The following MRPS27 variants were observed in gnomAD, a reference collection of about 807,000 sequenced individuals.
MRPS27 encodes the protein small ribosomal subunit protein mS27.
Under a neutral mutation model 48.9 loss-of-function variants are expected in MRPS27, and 43 were observed. That is an observed-to-expected ratio of 0.88 (90% CI 0.69 to 1.13). The LOEUF is 1.13. Among genes scored for constraint, MRPS27 ranks in the 50% most tolerant of loss-of-function variants. The probability of loss-of-function intolerance (pLI) is 0.00; values close to 1 mark genes in which losing one functional copy is unlikely to be tolerated. For synonymous variants in MRPS27, 188 were observed against 171.9 expected, an observed-to-expected ratio of 1.09 and a Z score of -0.73; for missense variants, 467 against 476.3, an observed-to-expected ratio of 0.98 and a Z score of 0.18.
intron 4 of MRPS27, among the ~76,000 whole-genome samples, chr5:72,270,661 C>T (rs1749215544): frequency 6.6e-6 from 1 of 152,174 alleles, no homozygotes; most frequent in Non-Finnish European, 1.5e-5. Context: ...CATTTTGTGA[C>T]ATTATACAAT....
intron 5 of MRPS27, among the ~76,000 whole-genome samples, chr5:72,237,361 T>G (rs932868769): frequency 2.6e-5 from 4 of 152,156 alleles, no homozygotes; most frequent in Admixed American, 2.6e-4. Context: ...AATAAAACAT[T>G]CTGCACAGAA....
intron 8 of MRPS27, 58 bp downstream of exon 8, chr5:72,228,208 G>A: frequency 7.4e-7 from 1 of 1,346,790 alleles, no homozygotes; most frequent in Non-Finnish European, 1.1e-6. Context: ...TTATGAACTG[G>A]AAGAATGCAA....
At chr5:72,263,234 A>G (rs1749029258) in intron 4 of MRPS27, among the ~76,000 whole-genome samples, 1 of 152,178 alleles carries the variant, frequency 6.6e-6, no homozygotes, top group African/African-American at 2.4e-5. Flanking sequence ...AGGCACTTTC[A>G]GAATTTGTGA....
At chr5:72,277,772 A>C (rs1465460115) in intron 4 of MRPS27, among the ~76,000 whole-genome samples, 2 of 152,206 alleles carry the variant, frequency 1.3e-5, no homozygotes, top group African/African-American at 4.8e-5. Flanking sequence ...AAAAGGAACG[A>C]GATCATGTCC....
At chr5:72,226,914 C>T (rs977597777) in intron 8 of MRPS27, 2 of 152,216 alleles carry the variant, frequency 1.3e-5, no homozygotes, top group African/African-American at 2.4e-5. Flanking sequence ...AACCTGGCTG[C>T]ACTAATGACC....
chr5:72,229,771 C>A (rs937180653), intron 7 of MRPS27, among the ~76,000 whole-genome samples: 20 of 152,170 alleles, frequency 1.3e-4, no homozygotes, highest in African/African-American at 4.1e-4. Flanking sequence ...CAATGACTGT[C>A]TTAGAAATTT....
intron 2 of MRPS27, among the ~76,000 whole-genome samples, chr5:72,304,854 C>T (rs1239679935): frequency 6.6e-6 from 1 of 152,194 alleles, no homozygotes; most frequent in Non-Finnish European, 1.5e-5. Context: ...GTTAACCTTT[C>T]AGGCAACACT....
At chr5:72,268,826 T>C (rs1391616507) in intron 4 of MRPS27, among the ~76,000 whole-genome samples, 1 of 152,242 alleles carries the variant, frequency 6.6e-6, no homozygotes, top group Non-Finnish European at 1.5e-5. Flanking sequence ...TTTGATGTGA[T>C]CCACAGTATC....
At chr5:72,260,405 C>T (rs569818853) in intron 4 of MRPS27, among the ~76,000 whole-genome samples, 23 of 152,290 alleles carry the variant, frequency 1.5e-4, no homozygotes, top group Middle Eastern at 6.8e-3. Flanking sequence ...TTCTGTCTTC[C>T]AGGCGTTGAT....
intron 4 of MRPS27, among the ~76,000 whole-genome samples, chr5:72,239,522 G>T (rs771073669): frequency 6.6e-6 from 1 of 152,096 alleles, no homozygotes; most frequent in African/African-American, 2.4e-5. Context: ...CAGAAATAGA[G>T]AAATATGTCA....
intron 4 of MRPS27, among the ~76,000 whole-genome samples, chr5:72,242,665 T>TACACAC (rs57589095): frequency 0.018 from 2,416 of 134,260 alleles, 19 homozygotes; most frequent in Middle Eastern, 0.022. Context: ...AGACCCCGTC[T>TACACAC]ACACACACAC....
At chr5:72,318,419 T>C (rs1488379301) in intron 1 of MRPS27, among the ~76,000 whole-genome samples, 3 of 152,392 alleles carry the variant, frequency 2.0e-5, no homozygotes, top group Non-Finnish European at 2.9e-5. Flanking sequence ...TGCTTCATTC[T>C]AGCATAAGTA....
intron 4 of MRPS27, among the ~76,000 whole-genome samples, chr5:72,249,083 C>A (rs1469953943): frequency 1.3e-5 from 2 of 152,122 alleles, no homozygotes; most frequent in Non-Finnish European, 2.9e-5. Context: ...ATGAATGCAG[C>A]CTTTAGTGAA....
chr5:72,244,043 A>C (rs947413317), intron 4 of MRPS27, among the ~76,000 whole-genome samples: 1 of 152,110 alleles, frequency 6.6e-6, no homozygotes, highest in African/African-American at 2.4e-5. Flanking sequence ...AGATAATAAA[A>C]CCACCACAAT....
intron 4 of MRPS27, among the ~76,000 whole-genome samples, chr5:72,253,165 A>G (rs1748712608): frequency 6.6e-6 from 1 of 152,064 alleles, no homozygotes. Flanking sequence ...CTTAGGTTGT[A>G]GCTTTCTTTT....
chr5:72,248,889 A>G (rs1039064953), intron 4 of MRPS27, among the ~76,000 whole-genome samples: 1 of 152,108 alleles, frequency 6.6e-6, no homozygotes, highest in Non-Finnish European at 1.5e-5. Context: ...ACTTTGTGGG[A>G]GAGAAGAGGA....
intron 4 of MRPS27, among the ~76,000 whole-genome samples, chr5:72,294,353 G>A (rs1465420434): frequency 1.3e-5 from 2 of 151,968 alleles, no homozygotes; most frequent in Admixed American, 1.3e-4. Context: ...AATGCATCTA[G>A]ACAGAAACAA....
chr5:72,289,724 T>C (rs1415325012), intron 4 of MRPS27, among the ~76,000 whole-genome samples: 1 of 152,174 alleles, frequency 6.6e-6, no homozygotes, highest in Non-Finnish European at 1.5e-5. Flanking sequence ...TAAAAAAAAA[T>C]TTACATCCTT....
intron 4 of MRPS27, among the ~76,000 whole-genome samples, chr5:72,258,732 C>T (rs983782874): frequency 6.6e-6 from 1 of 152,128 alleles, no homozygotes; most frequent in African/African-American, 2.4e-5. Context: ...GTGTGTATGC[C>T]TTGATTTTGG....
Sources: gnomAD v4.1 joint callset for allele counts (sites outside exome capture counted in the v4.1 genomes callset) on GRCh38, gnomAD v4.1.1 for gene constraint, MANE v1.5 for transcripts, NCBI Gene and HGNC (gene_info 2026-07-23, HGNC 2026-07-21) for gene names.